The following RSPH9 variants were observed in gnomAD, a reference collection of about 807,000 sequenced individuals.
RSPH9 encodes radial spoke head protein 9 homolog.
Under a neutral mutation model 27.0 loss-of-function variants are expected in RSPH9, and 27 were observed. The ratio of observed to expected loss-of-function variants is 1.00; its 90% CI spans 0.74 to 1.38. RSPH9 has a LOEUF of 1.38. Among genes scored for constraint, RSPH9 ranks in the 40% most tolerant of loss-of-function variants. The pLI is 0.00. For synonymous variants in RSPH9, 145 were observed against 147.7 expected (o/e 0.98, Z 0.13); for missense variants, 347 against 357.4 (o/e 0.97, Z 0.24).
chr6:43,656,002 T>TTCCTTCCC (rs1771982348), intron 3 of RSPH9, among the ~76,000 whole-genome samples: 1 of 128,636 alleles, frequency 7.8e-6, no homozygotes, highest in Non-Finnish European at 1.6e-5. Context: ...CCTTCCTTCC[T>TTCCTTCCC]TCCTTCCTTC....
intron 4 of RSPH9, 76 bp downstream of exon 4, chr6:43,656,799 C>T: frequency 6.5e-7 from 1 of 1,534,548 alleles, no homozygotes; most frequent in South Asian, 1.1e-5. Flanking sequence ...TGCCATTTTC[C>T]TCTGAGACTG....
intron 4 of RSPH9, among the ~76,000 whole-genome samples, chr6:43,659,760 C>T (rs1772419273): frequency 1.3e-5 from 2 of 150,972 alleles, no homozygotes; most frequent in Non-Finnish European, 2.9e-5. Flanking sequence ...GAAATGGAGT[C>T]TCACTCTATC....
chr6:43,656,505 C>G (rs1381350694), intron 3 of RSPH9, 72 bp from the exon 4 acceptor site: 2 of 1,550,916 alleles, frequency 1.3e-6, no homozygotes, highest in Admixed American at 3.3e-5. Flanking sequence ...CCATGTGGTC[C>G]CAGTGCAGAC....
chr6:43,672,475 G>C lies in RSPH9; in HGVS notation c.*1526G>C, dbSNP rs1007533239. ...AATAGGAGGGGGGTGGGGAAAGATG[G>C]CTGCCGCCCATGGACCTTTGGCCTC... On this transcript the variant is annotated 3_prime_UTR_variant, in exon 5 of 5. Transcript: ENST00000372163. The C allele has an allele frequency of 1.1e-5, 5 of 468,994 alleles. No individual in the cohort carries two copies. Among genetic ancestry groups the C allele is most frequent in the African/African-American group, 2.0e-5 (1 of 50,054 alleles). 29.1% of individuals were successfully genotyped at this position (468,994 alleles called of 1,614,324 possible).
At chr6:43,654,682 G>A (rs144001614) in intron 2 of RSPH9, among the ~76,000 whole-genome samples, 60 of 152,274 alleles carry the variant, frequency 3.9e-4, no homozygotes, top group Admixed American at 1.4e-3. Context: ...AATTAGCTGG[G>A]TGCAGTGATG....
rs200461478 is a variant in RSPH9 at position 43,671,791 on chromosome 6, A to G, written c.*842A>G. The G allele has an allele frequency of 5.1e-5, 82 of 1,614,202 alleles. No individual in the cohort carries two copies. Among genetic ancestry groups the G allele is most frequent in the Admixed American group, 5.0e-4 (30 of 60,028 alleles). ...TGATACAGCTTCCAAGGTGTTCTTG[A>G]GTAGCAGACATTGTCCCTCAGAAGG... On this transcript the variant is annotated 3_prime_UTR_variant, in exon 5 of 5. Transcript: ENST00000372163.
chr6:43,672,056 G>T lies in RSPH9; in HGVS notation c.*1107G>T. 1.1e-6 allele frequency: 1 copy of T among 930,268 alleles called. No individual in the cohort carries two copies. Among genetic ancestry groups the T allele is most frequent in the East Asian group, 2.7e-5 (1 of 37,594 alleles). The allele number at this position is 930,268 out of a possible 1,614,324, so 57.6% of individuals were successfully genotyped here. A position where few individuals can be genotyped will look rare whatever the true frequency, so the allele number is the denominator to read the frequency against. On this transcript the variant is annotated 3_prime_UTR_variant, in exon 5 of 5. Transcript: ENST00000372163. ...TTTCCTGAAGTGCAGGGATTTTCCT[G>T]GGAGTAACTGCTGAGCGTCCTGTAA...
intron 4 of RSPH9, among the ~76,000 whole-genome samples, chr6:43,665,699 A>G (rs945130421): frequency 6.6e-6 from 1 of 151,972 alleles, no homozygotes; most frequent in African/African-American, 2.4e-5. Context: ...GACTCCTGGC[A>G]TTTCCTGGGC....
At chr6:43,663,660 G>A (rs528992165) in intron 4 of RSPH9, among the ~76,000 whole-genome samples, 7 of 152,202 alleles carry the variant, frequency 4.6e-5, no homozygotes, top group Admixed American at 1.3e-4. Context: ...GATGTAGTTC[G>A]TGGTGCCCCA....
At chr6:43,648,889 C>T (rs543400540) in intron 1 of RSPH9, among the ~76,000 whole-genome samples, 4 of 152,122 alleles carry the variant, frequency 2.6e-5, no homozygotes, top group Admixed American at 1.3e-4. Context: ...CCTGGAGGAG[C>T]GGGAAGGGAG....
In RSPH9 at chr6:43,645,591, TC is replaced by T. The variant is rs111461969; in HGVS notation, c.227+271del. Among the ~76,000 whole-genome samples, 5,812 of 151,892 alleles carry T rather than the reference TC, an allele frequency of 0.038. 361 individuals are homozygous for T. Among genetic ancestry groups the T allele is most frequent in the African/African-American group, 0.13 (5,364 of 41,418 alleles). ...AGGGCGGGGCAATGGACGGGCGATG[TC>T]CCCCGGAGGGCGGGGCCTTGCGAGA... On this transcript the variant is annotated intron_variant, in intron 1 of 4. Coordinates refer to ENST00000372163, the MANE Select transcript of RSPH9 (RefSeq NM_152732.5).
intron 4 of RSPH9, among the ~76,000 whole-genome samples, chr6:43,665,129 T>A (rs1362584680): frequency 6.6e-6 from 1 of 152,164 alleles, no homozygotes; most frequent in Non-Finnish European, 1.5e-5. Context: ...TGGAGCCTCA[T>A]CCACTGTGCA....
chr6:43,659,825 C>T (rs1175943513), intron 4 of RSPH9, among the ~76,000 whole-genome samples: 6 of 151,738 alleles, frequency 4.0e-5, no homozygotes, highest in African/African-American at 1.5e-4. Context: ...CTCCGCCTCC[C>T]GGGTTCACGC....
intron 1 of RSPH9, among the ~76,000 whole-genome samples, chr6:43,649,030 G>T (rs904622811): frequency 1.4e-4 from 22 of 152,060 alleles, no homozygotes; most frequent in African/African-American, 5.3e-4. Flanking sequence ...GAAAAGGAAG[G>T]GGAGGAAAGT....
intron 4 of RSPH9, among the ~76,000 whole-genome samples, chr6:43,661,725 C>A (rs1355641885): frequency 6.7e-6 from 1 of 149,320 alleles, no homozygotes; most frequent in Non-Finnish European, 1.5e-5. Context: ...AAGGCTGTTT[C>A]ATCTCCATTA....
At chr6:43,661,126 TTAAAG>T (rs1205927673) in intron 4 of RSPH9, among the ~76,000 whole-genome samples, 1 of 152,216 alleles carries the variant, frequency 6.6e-6, no homozygotes, top group Non-Finnish European at 1.5e-5. Context: ...AAAAGTGGGC[TTAAAG>T]TATTCAGTAA....
At chr6:43,646,998 G>A (rs1367050023) in intron 1 of RSPH9, among the ~76,000 whole-genome samples, 1 of 151,818 alleles carries the variant, frequency 6.6e-6, no homozygotes, top group Non-Finnish European at 1.5e-5. Context: ...TGCAGGGCAT[G>A]GTGGTGCATA....
At chr6:43,645,389 G>A in intron 1 of RSPH9, 64 bp downstream of exon 1, 1 of 587,748 alleles carries the variant, frequency 1.7e-6, no homozygotes, top group Admixed American at 2.1e-5. Context: ...CGGGGTGGGC[G>A]GGTCGCAGCA....
chr6:43,645,352 C>A (rs201077095), intron 1 of RSPH9, 27 bp downstream of exon 1: 2 of 1,268,818 alleles, frequency 1.6e-6, no homozygotes, highest in Non-Finnish European at 2.1e-6. Flanking sequence ...GACGGGCTCC[C>A]CAGAGGGTGG....
Sources: gnomAD v4.1 joint callset for allele counts (sites outside exome capture counted in the v4.1 genomes callset) on GRCh38, gnomAD v4.1.1 for gene constraint, MANE v1.5 for transcripts, NCBI Gene and HGNC (gene_info 2026-07-23, HGNC 2026-07-21) for gene names.